EBF1: variants seen among roughly 807,000 people sequenced by gnomAD.
EBF1 encodes the protein transcription factor COE1.
In EBF1, 10 loss-of-function variants were observed where a neutral mutation model predicts 68.4. That is an observed-to-expected ratio of 0.15 (90% CI 0.09 to 0.25). EBF1 has a LOEUF of 0.25. Among genes scored for constraint, EBF1 ranks in the 10% least tolerant of loss-of-function variants. The pLI is 1.00. For synonymous variants in EBF1, 298 were observed against 299.8 expected (o/e 0.99, Z 0.06); for missense variants, 509 against 794.4 (o/e 0.64, Z 4.32).
At chr5:158,843,000 T>C (rs772410060) in intron 6 of EBF1, among the ~76,000 whole-genome samples, 14 of 152,214 alleles carry the variant, frequency 9.2e-5, no homozygotes, top group Non-Finnish European at 1.2e-4. Flanking sequence ...GTACTATTGA[T>C]AGCAATCGTA....
intron 4 of EBF1, among the ~76,000 whole-genome samples, chr5:159,088,151 AC>A (rs1231798111): frequency 6.6e-6 from 1 of 152,162 alleles, no homozygotes; most frequent in East Asian, 1.9e-4. Flanking sequence ...AGTTTTTGTT[AC>A]TGAAAAGTAT....
intron 6 of EBF1, among the ~76,000 whole-genome samples, chr5:158,891,472 CCT>C (rs972598635): frequency 3.9e-5 from 6 of 152,270 alleles, no homozygotes; most frequent in African/African-American, 9.6e-5. Context: ...GCATCTCTCC[CCT>C]GTTATTTCCT....
intron 11 of EBF1, among the ~76,000 whole-genome samples, chr5:158,719,663 A>G (rs1342745424): frequency 2.0e-5 from 3 of 152,080 alleles, no homozygotes; most frequent in Admixed American, 1.3e-4. Context: ...GGGCAACTCA[A>G]CCCCAGATGA....
intron 8 of EBF1, among the ~76,000 whole-genome samples, chr5:158,815,615 T>G (rs1322355377): frequency 2.0e-5 from 3 of 152,186 alleles, no homozygotes; most frequent in African/African-American, 4.8e-5. Context: ...GTCTGAGCAC[T>G]ATTTCTCATT....
chr5:158,968,407 A>G lies in EBF1; in HGVS notation c.554+104989T>C, dbSNP rs559626998. 5.9e-5 allele frequency among the ~76,000 whole-genome samples: 9 copies of G among 152,328 alleles called. No individual in the cohort carries two copies. The South Asian group carries it at 1.7e-3, about 28-fold the overall frequency. On this transcript the variant is annotated intron_variant, in intron 6 of 15. Transcript: ENST00000313708. ...TAACACTGCCACTGCCGGCAAATTAAACTGTGAACTTACAAAGTGGGTGGC... is the reference window on the plus strand; with the variant it reads ...TAACACTGCCACTGCCGGCAAATTAGACTGTGAACTTACAAAGTGGGTGGC...
intron 11 of EBF1, 134 bp downstream of exon 11, chr5:158,730,935 C>A: frequency 1.4e-6 from 1 of 725,140 alleles, no homozygotes; most frequent in Non-Finnish European, 2.3e-6. Flanking sequence ...TTATTGCTTA[C>A]CTTACAGCAC....
At chr5:159,086,392 T>C (rs1164306299) in intron 4 of EBF1, among the ~76,000 whole-genome samples, 1 of 152,182 alleles carries the variant, frequency 6.6e-6, no homozygotes, top group East Asian at 1.9e-4. Flanking sequence ...ATTCACCAGT[T>C]ACCCAATAAT....
At chr5:158,868,838 C>T (rs1269566684) in intron 6 of EBF1, among the ~76,000 whole-genome samples, 2 of 152,148 alleles carry the variant, frequency 1.3e-5, no homozygotes, top group East Asian at 3.9e-4. Context: ...ATAAGCAAAA[C>T]TTGAAATGAT....
At chr5:159,077,155 C>T (rs1202129708) in intron 5 of EBF1, among the ~76,000 whole-genome samples, 1 of 152,236 alleles carries the variant, frequency 6.6e-6, no homozygotes, top group Non-Finnish European at 1.5e-5. Context: ...GCCTTCCCCT[C>T]TGGGCATGGT....
intron 6 of EBF1, among the ~76,000 whole-genome samples, chr5:158,920,066 CAT>C (rs1234169203): frequency 6.6e-6 from 1 of 151,946 alleles, no homozygotes; most frequent in Non-Finnish European, 1.5e-5. Flanking sequence ...TATATGTGTA[CAT>C]AACTTGCAAC....
intron 6 of EBF1, among the ~76,000 whole-genome samples, chr5:158,915,040 G>C (rs1055166285): frequency 6.6e-6 from 1 of 152,198 alleles, no homozygotes; most frequent in Non-Finnish European, 1.5e-5. Flanking sequence ...TTAACAGGAT[G>C]ATGGGACACT....
chr5:159,087,045 T>TA (rs1264512492), intron 4 of EBF1, among the ~76,000 whole-genome samples: 1 of 152,016 alleles, frequency 6.6e-6, no homozygotes, highest in Non-Finnish European at 1.5e-5. Context: ...TACATGATGC[T>TA]AAAAAACTCT....
At chr5:158,796,873 C>T (rs1047147191) in intron 8 of EBF1, among the ~76,000 whole-genome samples, 28 of 152,158 alleles carry the variant, frequency 1.8e-4, no homozygotes, top group Admixed American at 1.2e-3. Context: ...AGAAAACTTA[C>T]GTTTTTTTAG....
At chr5:158,818,450 A>G (rs906984588) in intron 8 of EBF1, among the ~76,000 whole-genome samples, 1 of 152,186 alleles carries the variant, frequency 6.6e-6, no homozygotes, top group African/African-American at 2.4e-5. Flanking sequence ...CAAGAACACC[A>G]CCATATTGTC....
intron 6 of EBF1, among the ~76,000 whole-genome samples, chr5:158,919,464 AAAACAACAGAG>A (rs1177125280): frequency 1.3e-5 from 2 of 152,328 alleles, no homozygotes; most frequent in East Asian, 3.9e-4. Context: ...AATGTGCTGG[AAAACAACAGAG>A]AAACATAAAG....
intron 6 of EBF1, among the ~76,000 whole-genome samples, chr5:158,903,012 A>G (rs1443110308): frequency 1.3e-5 from 2 of 152,220 alleles, no homozygotes; most frequent in Non-Finnish European, 2.9e-5. Flanking sequence ...CTTAAAGTAG[A>G]TCTTGTAAAC....
intron 6 of EBF1, among the ~76,000 whole-genome samples, chr5:159,044,201 G>A (rs1223825679): frequency 1.3e-5 from 2 of 152,160 alleles, no homozygotes; most frequent in African/African-American, 2.4e-5. Flanking sequence ...ACCCACTAAT[G>A]TTTGTTAAGA....
intron 6 of EBF1, among the ~76,000 whole-genome samples, chr5:158,913,580 A>G (rs907556232): frequency 6.6e-6 from 1 of 152,014 alleles, no homozygotes; most frequent in African/African-American, 2.4e-5. Context: ...GGTTGTGTAA[A>G]CAACTGAAGC....
At chr5:159,089,354 CCAAT>C (rs1293632235) in intron 4 of EBF1, among the ~76,000 whole-genome samples, 5 of 152,196 alleles carry the variant, frequency 3.3e-5, no homozygotes, top group Non-Finnish European at 5.9e-5. Flanking sequence ...TGAAAATCAA[CCAAT>C]CAATCAATAT....
Sources: allele counts gnomAD v4.1 joint callset (sites outside exome capture counted in the v4.1 genomes callset), GRCh38; gene constraint gnomAD v4.1.1; transcripts MANE v1.5; gene names NCBI Gene and HGNC (gene_info 2026-07-23, HGNC 2026-07-21).